The following DKC1 variants were observed in gnomAD, a reference collection of about 807,000 sequenced individuals.
The protein encoded by DKC1 is H/ACA ribonucleoprotein complex subunit DKC1.
Under a neutral mutation model 46.7 loss-of-function variants are expected in DKC1, and 4 were observed. The observed-to-expected ratio is 0.09, with a 90% CI of 0.04 to 0.20. The LOEUF (loss-of-function observed/expected upper bound fraction) is 0.20, where lower values mean the gene tolerates loss of function less well. Among genes scored for constraint, DKC1 ranks in the 10% least tolerant of loss-of-function variants. The pLI is 1.00. For missense variants in DKC1, 171 were observed against 404.2 expected, an observed-to-expected ratio of 0.42 and a Z score of 4.95; for synonymous variants, 141 against 142.4, an observed-to-expected ratio of 0.99 and a Z score of 0.07.
intron 7 of DKC1, 145 bp from the exon 8 acceptor site, chrX:154,768,157 C>T (rs1418978051): frequency 3.7e-6 from 3 of 812,416 alleles, no homozygotes; most frequent in Non-Finnish European, 5.5e-6. Flanking sequence ...GCCAGAATTA[C>T]AGATCTTTAC....
chrX:154,770,889 G>C lies in DKC1; in HGVS notation c.1036+10G>C, dbSNP rs367993753. 27 of 1,207,555 alleles carry C rather than the reference G, an allele frequency of 2.2e-5. No homozygotes were observed. The African/African-American group carries it at 4.7e-4, about 21-fold the overall frequency. The stretch of plus-strand genomic sequence containing the variant: ...GAAGCAATCTGCATGGGTAAGAGGG[G>C]ATGTTTATTTTTTAAATTCTAAATG... On this transcript the variant is annotated intron_variant, in intron 10 of 14. Coordinates refer to ENST00000369550, the MANE Select transcript of DKC1 (RefSeq NM_001363.5).
chrX:154,772,057 A>AGTGAAATG (rs2071832762), intron 10 of DKC1, among the ~76,000 whole-genome samples: 1 of 112,554 alleles, frequency 8.9e-6, no homozygotes, highest in African/African-American at 3.2e-5. Context: ...TTTTAACTGG[A>AGTGAAATG]GTGAAATGAT....
In DKC1 at chrX:154,776,841, A is replaced by C. The variant is rs781905423; in HGVS notation, c.1519A>C (p.Lys507Gln). The C allele has an allele frequency of 8.3e-7, 1 of 1,206,499 alleles. No homozygotes were observed. The highest frequency in any genetic ancestry group is 1.1e-6 in the Non-Finnish European group (1 of 892,276). Residue 507 changes from lysine (K) to glutamine (Q), a missense_variant, in exon 15 of 15, where the codon AAA (lysine) becomes CAA (glutamine). Physicochemically the swap from Lys to Gln is moderately conservative, Grantham distance 53 (BLOSUM62 1). Coordinates refer to ENST00000369550, the MANE Select transcript of DKC1 (RefSeq NM_001363.5). ...TKKKKKKKKA[K>Q]EVELVSE Reference sequence around the variant, plus strand: ...GAAGAAGAAGAAGAAGAAGAAAGCAAAAGAGGTAGAATTGGTTTCTGAGTA... The same window carrying C: ...GAAGAAGAAGAAGAAGAAGAAAGCACAAGAGGTAGAATTGGTTTCTGAGTA...
At chrX:154,771,068 A>G (rs1418867456) in intron 10 of DKC1, among the ~76,000 whole-genome samples, 189 bp downstream of exon 10, 1 of 110,116 alleles carries the variant, frequency 9.1e-6, no homozygotes. Flanking sequence ...ACTGTTAGTT[A>G]TTTATCACCT....
At chrX:154,763,720 T>C (rs2071710002) in intron 1 of DKC1, among the ~76,000 whole-genome samples, 1 of 112,162 alleles carries the variant, frequency 8.9e-6, no homozygotes, top group Non-Finnish European at 1.9e-5. Flanking sequence ...CTAGGTGGCA[T>C]AGGCTACTAC....
At chrX:154,763,829 C>G (rs1322028316) in intron 1 of DKC1, among the ~76,000 whole-genome samples, 1 of 111,443 alleles carries the variant, frequency 9.0e-6, no homozygotes, top group African/African-American at 3.3e-5. Context: ...GACACAGCGT[C>G]GAGAGTTTGT....
Position 154,773,284 on chromosome X carries a change from CT to C in DKC1, c.1155+57del, listed in dbSNP as rs782491644. The C allele has an allele frequency of 0.19, 56,578 of 299,646 alleles. 81 individuals carry two copies. The highest frequency in any genetic ancestry group is 0.24 in the East Asian group (3,736 of 15,891). The allele number at this position is 299,646 out of a possible 1,213,427, so 24.7% of individuals were successfully genotyped here. A position where few individuals can be genotyped will look rare whatever the true frequency, so the allele number is the denominator to read the frequency against. Reference sequence around the variant, plus strand: ...ACTGGGTTGCGTGCCCTGCCAGGTTCTTTTTTTTTTTTTTTTTTTTTTAAAT... The same window carrying C: ...ACTGGGTTGCGTGCCCTGCCAGGTTCTTTTTTTTTTTTTTTTTTTTTAAAT... On this transcript the variant is annotated intron_variant, in intron 11 of 14. Transcript: ENST00000369550.
intron 9 of DKC1, among the ~76,000 whole-genome samples, chrX:154,770,403 A>G (rs1288031732): frequency 1.9e-5 from 2 of 103,181 alleles, no homozygotes; most frequent in Non-Finnish European, 3.9e-5. Context: ...TGGAGGTTGC[A>G]GTGAGCCGAG....
At chrX:154,763,272 G>T (rs1201214095) in intron 1 of DKC1, among the ~76,000 whole-genome samples, 3 of 112,578 alleles carry the variant, frequency 2.7e-5, no homozygotes, top group African/African-American at 9.7e-5. Flanking sequence ...CCGCGGTGGC[G>T]TGGGACGTGG....
At chrX:154,770,685 C>T in intron 9 of DKC1, 74 bp from the exon 10 acceptor site, 1 of 1,189,809 alleles carries the variant, frequency 8.4e-7, no homozygotes. Context: ...CCCTTGTTGT[C>T]CTCCTTTACT....
intron 5 of DKC1, 123 bp downstream of exon 5, chrX:154,766,523 T>C: frequency 1.4e-6 from 1 of 740,017 alleles, no homozygotes; most frequent in South Asian, 2.5e-5. Flanking sequence ...AGCAAGGATA[T>C]TGTTTTGGTT....
intron 7 of DKC1, 192 bp from the exon 8 acceptor site, chrX:154,768,110 A>C: frequency 2.0e-6 from 1 of 495,796 alleles, no homozygotes; most frequent in Non-Finnish European, 3.5e-6. Flanking sequence ...TCTGCCTCCC[A>C]AAGTGCTGGA....
Position 154,765,979 on chromosome X carries a change from G to C in DKC1, c.244G>C (p.Glu82Gln), listed in dbSNP as rs897094414. 3.3e-6 allele frequency: 4 copies of C among 1,201,029 alleles called. No individual in the cohort carries two copies. Among genetic ancestry groups the C allele is most frequent in the Non-Finnish European group, 4.5e-6 (4 of 886,681 alleles). Residue 82 changes from glutamate to glutamine, a missense_variant, in exon 4 of 15, where the codon GAG becomes CAG. By Grantham distance (29) the Glu-to-Gln change is conservative. Around this residue, in one of 4 missense-constraint regions of DKC1, gnomAD observed 41 missense variants for 117.3 expected, o/e 0.35. Coordinates refer to ENST00000369550, the MANE Select transcript of DKC1 (RefSeq NM_001363.5). ...LACGSNPLKREIGDYIRTGFI... is the reference protein window; with the variant it reads ...LACGSNPLKRQIGDYIRTGFI... The stretch of plus-strand genomic sequence containing the variant: ...ATGTGGTTCAAATCCTCTGAAGAGA[G>C]AGATTGGGGACTATATCAGGTAAGT...
chrX:154,771,095 T>C (rs1411324249), intron 10 of DKC1, among the ~76,000 whole-genome samples: 1 of 110,738 alleles, frequency 9.0e-6, no homozygotes, highest in Non-Finnish European at 1.9e-5. Context: ...TTTTAAAATA[T>C]ACACTTAAGT....
intron 8 of DKC1, 148 bp from the exon 9 acceptor site, chrX:154,769,019 A>AT: frequency 2.7e-6 from 1 of 375,692 alleles, no homozygotes; most frequent in Non-Finnish European, 4.5e-6. Context: ...AAAAAAAAAA[A>AT]GATGCCTGGA....
chrX:154,774,568 C>A (rs782576541), intron 11 of DKC1, 34 bp from the exon 12 acceptor site: 1 of 1,144,381 alleles, frequency 8.7e-7, no homozygotes, highest in Non-Finnish European at 1.2e-6. Context: ...AGCATTGACA[C>A]CATTCTAATG....
At chrX:154,770,175 A>C (rs907080005) in intron 9 of DKC1, among the ~76,000 whole-genome samples, 3 of 111,461 alleles carry the variant, frequency 2.7e-5, no homozygotes, top group African/African-American at 9.8e-5. Context: ...TTATGTTTCA[A>C]ATGAAAATAT....
Position 154,776,794 on chromosome X carries a change from T to C in DKC1, c.1477-5T>C. ...TCTGTGAGCTTTCATTCTCTTTCTT[T>C]CTAGGACAGTGATACCACCAAGAAG... On this transcript the variant is annotated splice_polypyrimidine_tract_variant and splice_region_variant and intron_variant, in intron 14 of 14. Coordinates refer to ENST00000369550, the MANE Select transcript of DKC1 (RefSeq NM_001363.5). The C allele has an allele frequency of 8.3e-7, 1 of 1,206,528 alleles. No homozygotes were observed. The highest frequency in any genetic ancestry group is 3.0e-5 in the East Asian group (1 of 33,725).
intron 12 of DKC1, 109 bp from the exon 13 acceptor site, chrX:154,775,086 C>T (rs781999390): frequency 5.4e-6 from 4 of 743,801 alleles, no homozygotes; most frequent in Non-Finnish European, 8.5e-6. Context: ...TTCTGTCCAG[C>T]GTCAGTATTT....
Sources: allele counts gnomAD v4.1 joint callset (sites outside exome capture counted in the v4.1 genomes callset), GRCh38; gene constraint gnomAD v4.1.1; regional missense constraint gnomAD v4.1.1; transcripts MANE v1.5; gene names NCBI Gene and HGNC (gene_info 2026-07-23, HGNC 2026-07-21).